KIF4A: variants seen among roughly 807,000 people sequenced by gnomAD.
KIF4A encodes kinesin family member 4A.
KIF4A carries 7 observed loss-of-function variants against 105.9 expected under a neutral mutation model. The observed-to-expected ratio is 0.07, with a 90% CI of 0.04 to 0.12. KIF4A has a LOEUF of 0.12. Among genes scored for constraint, KIF4A ranks in the 10% least tolerant of loss-of-function variants. KIF4A has a pLI of 1.00. For missense variants in KIF4A, 558 were observed against 929.2 expected (o/e 0.60, Z 5.19); for synonymous variants, 281 against 331.3 (o/e 0.85, Z 1.65).
rs1413418219 is a variant in KIF4A, at chrX:70,295,295, C to A, written c.236-1703C>A. 3.6e-5 allele frequency among the ~76,000 whole-genome samples: 4 copies of A among 109,996 alleles called. No homozygotes were observed. In the South Asian group the frequency reaches 1.6e-3, roughly 45 times the overall value. ...GGTTCAAGCAATTCTCCTGCCTCAG[C>A]CTCCCGAGTAGCTGGGACCACAGGC... On this transcript the variant is annotated intron_variant, in intron 3 of 30. Transcript: ENST00000374403.
chrX:70,365,514 T>C (rs2086098234), intron 15 of KIF4A, among the ~76,000 whole-genome samples: 1 of 112,312 alleles, frequency 8.9e-6, no homozygotes, highest in Admixed American at 9.5e-5. Context: ...GTGGTTTTTG[T>C]CATTGGTTCT....
rs777487922 is a variant in KIF4A, at chrX:70,352,659, A to G, written c.1488+3A>G. The G allele has an allele frequency of 8.5e-7, 1 of 1,175,854 alleles. No individual in the cohort carries two copies. ...ATACTGCGGTGGAGCAAGAAGCCGT[A>G]AGTAATTGGCCCCTTTGTGTAGAAC... On this transcript the variant is annotated splice_donor_region_variant and intron_variant, in intron 14 of 30. Coordinates refer to ENST00000374403, the MANE Select transcript of KIF4A (RefSeq NM_012310.5).
chrX:70,384,978 T>TTTTTAGTAGAGACAGTA (rs2086212507), intron 18 of KIF4A, among the ~76,000 whole-genome samples: 1 of 109,494 alleles, frequency 9.1e-6, no homozygotes, highest in Non-Finnish European at 1.9e-5. Flanking sequence ...TTTTTTTGTA[T>TTTTTAGTAGAGACAGTA]TTTTAGTAGA....
Position 70,330,145 on chromosome X carries a change from G to T in KIF4A, c.896-12G>T. 4 of 1,152,888 alleles carry T rather than the reference G, an allele frequency of 3.5e-6. No homozygotes were observed. The highest frequency in any genetic ancestry group is 4.6e-6 in the Non-Finnish European group (4 of 863,953). On this transcript the variant is annotated splice_polypyrimidine_tract_variant and intron_variant, in intron 8 of 30. Coordinates refer to ENST00000374403, the MANE Select transcript of KIF4A (RefSeq NM_012310.5). ...TCATTTCCTTTCGTTATTCTTTATT[G>T]TTCTTTTTCAGATTCTCTAGGAGGT...
In KIF4A at chrX:70,344,067, T is replaced by C. The variant is rs2085982426; in HGVS notation, c.1431+85T>C. The C allele has an allele frequency of 4.3e-6, 3 of 695,286 alleles. No individual in the cohort carries two copies. In the East Asian group the frequency reaches 1.0e-4, roughly 24 times the overall value. The allele number at this position is 695,286 out of a possible 1,213,427, so 57.3% of individuals were successfully genotyped here. On this transcript the variant is annotated intron_variant, in intron 13 of 30. Coordinates refer to ENST00000374403, the MANE Select transcript of KIF4A (RefSeq NM_012310.5). ...ATACAAGCCTTTCTAGCTCTGTGCC[T>C]TTTGCTGAAACAACTAGATTGTGAG...
chrX:70,353,589 C>G (rs1485442190), intron 14 of KIF4A, 33 bp from the exon 15 acceptor site: 1 of 1,172,517 alleles, frequency 8.5e-7, no homozygotes. Flanking sequence ...TTGCTTGTTT[C>G]TCTTATAAAT....
intron 13 of KIF4A, among the ~76,000 whole-genome samples, chrX:70,352,164 T>C (rs2086033580): frequency 8.9e-6 from 1 of 112,462 alleles, no homozygotes; most frequent in East Asian, 2.8e-4. Context: ...TTATTTGATA[T>C]GTCTGTTCGT....
Position 70,376,613 on chromosome X carries a change from TAG to T in KIF4A, c.2034+407_2034+408del, listed in dbSNP as rs2086176067. The stretch of plus-strand genomic sequence containing the variant: ...CCCTGAATAATAGGAAGGGTTATGA[TAG>T]AGATAAGTACAAGCATTCCAGATAG... On this transcript the variant is annotated intron_variant, in intron 18 of 30. Transcript: ENST00000374403. Among the ~76,000 whole-genome samples, 30 of 111,612 alleles carry T rather than the reference TAG, an allele frequency of 2.7e-4. 1 individual carries two copies. The Admixed American group carries it at 2.9e-3, about 11-fold the overall frequency.
chrX:70,370,800 G>A (rs1309556403), intron 15 of KIF4A, among the ~76,000 whole-genome samples: 1 of 109,095 alleles, frequency 9.2e-6, no homozygotes, highest in East Asian at 2.9e-4. Context: ...GCCAAGTGTG[G>A]TGGCAGGTGC....
intron 20 of KIF4A, among the ~76,000 whole-genome samples, chrX:70,388,858 TGTAA>T (rs755527815): frequency 1.6e-4 from 18 of 112,646 alleles, no homozygotes; most frequent in Non-Finnish European, 2.8e-4. Flanking sequence ...CTTTTCAATT[TGTAA>T]CAGTGTCTTT....
At chrX:70,383,712 A>T (rs2086206736) in intron 18 of KIF4A, among the ~76,000 whole-genome samples, 1 of 112,412 alleles carries the variant, frequency 8.9e-6, no homozygotes, top group South Asian at 3.6e-4. Flanking sequence ...CATACAAAGG[A>T]ATGAAGTACT....
chrX:70,397,455 T>TAGAA (rs1423869095), intron 22 of KIF4A, among the ~76,000 whole-genome samples: 2 of 111,257 alleles, frequency 1.8e-5, no homozygotes, highest in Admixed American at 9.5e-5. Flanking sequence ...AAAGAAGGAA[T>TAGAA]AGAAGTGCTC....
intron 7 of KIF4A, among the ~76,000 whole-genome samples, chrX:70,307,759 T>G (rs1410332915): frequency 8.9e-6 from 1 of 112,265 alleles, no homozygotes; most frequent in Non-Finnish European, 1.9e-5. Context: ...AAACCAACCT[T>G]GTATTCCTAG....
chrX:70,413,662 C>T (rs886691533), intron 28 of KIF4A, among the ~76,000 whole-genome samples: 2 of 107,832 alleles, frequency 1.9e-5, no homozygotes, highest in Non-Finnish European at 3.8e-5. Context: ...TTGGGTAGGC[C>T]GGGCACGGTG....
At chrX:70,354,447 G>A (rs985651291) in intron 15 of KIF4A, among the ~76,000 whole-genome samples, 1 of 112,418 alleles carries the variant, frequency 8.9e-6, no homozygotes, top group Non-Finnish European at 1.9e-5. Context: ...GGTATTATGT[G>A]TTTATATTGA....
At chrX:70,365,877 C>A (rs1354158585) in intron 15 of KIF4A, among the ~76,000 whole-genome samples, 2 of 111,458 alleles carry the variant, frequency 1.8e-5, no homozygotes, top group African/African-American at 6.5e-5. Flanking sequence ...TGGTCCTGGA[C>A]TTTTTTTGGT....
chrX:70,353,810 A>G lies in KIF4A; in HGVS notation c.1674+3A>G. 1 of 1,157,474 alleles carries G rather than the reference A, an allele frequency of 8.6e-7. No homozygotes were observed. The highest frequency in any genetic ancestry group is 1.8e-5 in the African/African-American group (1 of 56,237). ...AGCCCATTCAGTACCAATACCAGGT[A>G]AACTATTTCCTAGGGCAGTATTTGT... On this transcript the variant is annotated splice_donor_region_variant and intron_variant, in intron 15 of 30. Coordinates refer to ENST00000374403, the MANE Select transcript of KIF4A (RefSeq NM_012310.5).
At chrX:70,409,117 G>A (rs1201898475) in intron 28 of KIF4A, among the ~76,000 whole-genome samples, 2 of 111,196 alleles carry the variant, frequency 1.8e-5, no homozygotes, top group East Asian at 2.8e-4. Context: ...TGCCCACCTC[G>A]ACCTCCCAAA....
chrX:70,292,257 C>T (rs900273049), intron 3 of KIF4A, among the ~76,000 whole-genome samples: 2 of 112,116 alleles, frequency 1.8e-5, no homozygotes. Context: ...TCAAGTTTCA[C>T]CAATTGTCCC....
Sources: gnomAD v4.1 joint callset for allele counts (sites outside exome capture counted in the v4.1 genomes callset) on GRCh38, gnomAD v4.1.1 for gene constraint, MANE v1.5 for transcripts, NCBI Gene and HGNC (gene_info 2026-07-23, HGNC 2026-07-21) for gene names.